The following ASTN2 variants were observed in gnomAD, a reference collection of about 807,000 sequenced individuals.
The protein encoded by ASTN2 is astrotactin-2.
ASTN2 carries 54 observed loss-of-function variants against 139.8 expected under a neutral mutation model. That is an observed-to-expected ratio of 0.39 (90% confidence interval 0.31 to 0.48). The LOEUF (loss-of-function observed/expected upper bound fraction) is 0.48. ASTN2 is among the 20% of genes least tolerant of loss of function. The pLI is 0.95. For synonymous variants in ASTN2, 756 were observed against 719.5 expected, an observed-to-expected ratio of 1.05 and a Z score of -0.81; for missense variants, 1,565 against 1,725.1, an observed-to-expected ratio of 0.91 and a Z score of 1.64.
intron 1 of ASTN2, among the ~76,000 whole-genome samples, chr9:117,373,296 G>T (rs544071767): frequency 2.0e-5 from 3 of 152,228 alleles, no homozygotes; most frequent in Non-Finnish European, 4.4e-5. Flanking sequence ...TCTTGCTTGT[G>T]TTCCACTGGC....
chr9:117,116,834 C>CAAAAAAAAA (rs72075422), intron 4 of ASTN2, among the ~76,000 whole-genome samples: 20 of 45,184 alleles, frequency 4.4e-4, no homozygotes, highest in East Asian at 7.8e-4. Flanking sequence ...TGGCATGAGC[C>CAAAAAAAAA]AAAAAAAAAA....
intron 16 of ASTN2, among the ~76,000 whole-genome samples, chr9:116,657,952 A>G (rs914692946): frequency 2.0e-5 from 3 of 148,456 alleles, no homozygotes; most frequent in Non-Finnish European, 4.5e-5. Flanking sequence ...CAGTGGCACA[A>G]TCTCGGCTCA....
At chr9:117,398,196 A>C (rs1159927149) in intron 1 of ASTN2, among the ~76,000 whole-genome samples, 4 of 152,180 alleles carry the variant, frequency 2.6e-5, no homozygotes, top group Non-Finnish European at 4.4e-5. Flanking sequence ...TGAACATTCT[A>C]GGGGTGGTTT....
At chr9:116,911,528 G>A (rs1224872778) in intron 10 of ASTN2, among the ~76,000 whole-genome samples, 1 of 152,190 alleles carries the variant, frequency 6.6e-6, no homozygotes, top group East Asian at 1.9e-4. Flanking sequence ...ATAAGGTCTG[G>A]AATTTAATTA....
At chr9:117,139,589 T>C (rs1404698620) in intron 4 of ASTN2, among the ~76,000 whole-genome samples, 4 of 152,242 alleles carry the variant, frequency 2.6e-5, no homozygotes, top group Non-Finnish European at 5.9e-5. Context: ...TTCAAGATTT[T>C]ACAAGATTAA....
chr9:116,646,292 A>G (rs1303949535), intron 17 of ASTN2, among the ~76,000 whole-genome samples: 2 of 152,082 alleles, frequency 1.3e-5, no homozygotes, highest in Non-Finnish European at 2.9e-5. Flanking sequence ...GTAGGAAAAG[A>G]AAGTCCCAGA....
intron 2 of ASTN2, among the ~76,000 whole-genome samples, chr9:117,234,345 T>C (rs1429149904): frequency 6.6e-6 from 1 of 152,008 alleles, no homozygotes; most frequent in Non-Finnish European, 1.5e-5. Context: ...TACCAAGATC[T>C]CCCCTCCCAT....
intron 2 of ASTN2, among the ~76,000 whole-genome samples, chr9:117,268,703 A>G (rs1052935308): frequency 6.6e-6 from 1 of 152,188 alleles, no homozygotes; most frequent in African/African-American, 2.4e-5. Flanking sequence ...CCCTTGTTTC[A>G]AGCGGGTCAA....
chr9:117,050,610 G>A (rs981151522), intron 5 of ASTN2, among the ~76,000 whole-genome samples: 1 of 152,046 alleles, frequency 6.6e-6, no homozygotes, highest in African/African-American at 2.4e-5. Flanking sequence ...GACTAGTAAG[G>A]AACAGAGCTA....
intron 1 of ASTN2, among the ~76,000 whole-genome samples, chr9:117,333,162 A>G (rs1039551609): frequency 3.9e-5 from 6 of 152,162 alleles, no homozygotes; most frequent in African/African-American, 9.7e-5. Flanking sequence ...AGCTATTTCT[A>G]TTTAAACTGA....
At chr9:116,612,646 G>A (rs2131803957) in intron 19 of ASTN2, 1 of 152,230 alleles carries the variant, frequency 6.6e-6, no homozygotes, top group African/African-American at 2.4e-5. Flanking sequence ...AATGAAAGCG[G>A]AAATAAAGAT....
chr9:117,026,779 A>T (rs1403050806), intron 6 of ASTN2, among the ~76,000 whole-genome samples: 6 of 151,988 alleles, frequency 3.9e-5, no homozygotes, highest in Non-Finnish European at 7.4e-5. Context: ...AGACAGCTAC[A>T]CTCTCTGCCA....
At chr9:116,839,720 G>C (rs985287302) in intron 11 of ASTN2, among the ~76,000 whole-genome samples, 3 of 151,796 alleles carry the variant, frequency 2.0e-5, no homozygotes, top group African/African-American at 7.3e-5. Context: ...GCCCAAGCTG[G>C]ACTGCAGTGG....
At chr9:116,544,874 T>G (rs539474744) in intron 19 of ASTN2, among the ~76,000 whole-genome samples, 1 of 152,218 alleles carries the variant, frequency 6.6e-6, no homozygotes, top group Non-Finnish European at 1.5e-5. Flanking sequence ...AAAGGCCTCA[T>G]AGGGATTCCC....
intron 19 of ASTN2, among the ~76,000 whole-genome samples, chr9:116,570,963 G>A (rs1467515003): frequency 6.6e-6 from 1 of 152,176 alleles, no homozygotes. Flanking sequence ...AAGGAAGAAG[G>A]AGATACATCC....
intron 19 of ASTN2, among the ~76,000 whole-genome samples, chr9:116,515,965 G>A (rs1223287368): frequency 1.3e-5 from 2 of 152,054 alleles, no homozygotes; most frequent in Non-Finnish European, 2.9e-5. Context: ...CTATGGTGGG[G>A]GTTAAGAATT....
intron 10 of ASTN2, among the ~76,000 whole-genome samples, chr9:116,884,930 C>T (rs1833555972): frequency 1.3e-5 from 2 of 151,620 alleles, no homozygotes; most frequent in Admixed American, 6.6e-5. Flanking sequence ...ATTCTCCTGC[C>T]TCAGCCTCCT....
intron 22 of ASTN2, among the ~76,000 whole-genome samples, chr9:116,428,535 A>AT (rs934191489): frequency 6.6e-6 from 1 of 152,078 alleles, no homozygotes; most frequent in African/African-American, 2.4e-5. Context: ...AAAAAAAAAA[A>AT]AAGTAAAGGT....
At chr9:116,820,563 T>C (rs201038995) in intron 12 of ASTN2, 54 bp downstream of exon 12, 56 of 1,573,306 alleles carry the variant, frequency 3.6e-5, no homozygotes, top group Middle Eastern at 1.9e-4. Context: ...CATTTTCCCA[T>C]GCATCCCTCA....
Sources: allele counts gnomAD v4.1 joint callset (sites outside exome capture counted in the v4.1 genomes callset), GRCh38; gene constraint gnomAD v4.1.1; transcripts MANE v1.5; gene names NCBI Gene and HGNC (gene_info 2026-07-23, HGNC 2026-07-21).